DCDC2: variants seen among roughly 807,000 people sequenced by gnomAD.
DCDC2 encodes the protein doublecortin domain-containing protein 2.
DCDC2 carries 40 observed loss-of-function variants against 50.2 expected under a neutral mutation model. The observed-to-expected ratio is 0.80, with a 90% CI of 0.62 to 1.04. The LOEUF (loss-of-function observed/expected upper bound fraction) is 1.04, where lower values mean the gene tolerates loss of function less well. Ranked by LOEUF, DCDC2 falls within the 50% of genes least tolerant of loss-of-function variation. The pLI, the probability that DCDC2 is intolerant of heterozygous loss-of-function variation, is 0.00. For missense variants in DCDC2, 570 were observed against 581.9 expected, an observed-to-expected ratio of 0.98 and a Z score of 0.21; for synonymous variants, 234 against 210.6, an observed-to-expected ratio of 1.11 and a Z score of -0.96.
At position 24,357,809 on chromosome 6, in the gene DCDC2, C is replaced by A; in HGVS notation, c.-59G>T. On this transcript the variant is annotated 5_prime_UTR_variant, in exon 1 of 10. Transcript: ENST00000378454. The stretch of plus-strand genomic sequence containing the variant: ...TCGCGTCGGGAGGCACCTCCGCTGT[C>A]CCAGCGGCCTCACCGCACCCAGGGC... 1 of 1,608,232 alleles carries A rather than the reference C, an allele frequency of 6.2e-7. No homozygotes were observed.
At chr6:24,295,805 C>A (rs956126431) in intron 4 of DCDC2, among the ~76,000 whole-genome samples, 2 of 151,914 alleles carry the variant, frequency 1.3e-5, no homozygotes, top group Admixed American at 6.6e-5. Context: ...CAAAACACTG[C>A]CTAAAGAAAT....
intron 8 of DCDC2, among the ~76,000 whole-genome samples, chr6:24,202,858 C>G (rs923349122): frequency 1.3e-5 from 2 of 152,048 alleles, no homozygotes; most frequent in African/African-American, 4.8e-5. Context: ...AACAGAGAGC[C>G]AAATCATGAG....
chr6:24,248,607 C>A (rs909365237), intron 7 of DCDC2, among the ~76,000 whole-genome samples: 2 of 152,038 alleles, frequency 1.3e-5, no homozygotes, highest in African/African-American at 4.8e-5. Context: ...AAAGGTAAGA[C>A]CTTTGGAATA....
intron 8 of DCDC2, among the ~76,000 whole-genome samples, chr6:24,196,440 A>G (rs1749063652): frequency 6.6e-6 from 1 of 152,146 alleles, no homozygotes; most frequent in African/African-American, 2.4e-5. Flanking sequence ...TTCTTTTTTG[A>G]GACAGAGTCT....
intron 7 of DCDC2, among the ~76,000 whole-genome samples, chr6:24,271,654 T>A (rs1763241312): frequency 6.6e-6 from 1 of 152,130 alleles, no homozygotes; most frequent in South Asian, 2.1e-4. Flanking sequence ...CAGGGTAACA[T>A]GAGTTCTTGG....
rs540987203 is a variant in DCDC2, at chr6:24,191,061, G to A, written c.1024-12429C>T. Among the ~76,000 whole-genome samples the A allele has an allele frequency of 8.5e-5, 13 of 152,224 alleles. No homozygotes were observed. In the South Asian group the frequency reaches 2.7e-3, roughly 32 times the overall value. ...ATGGCTTTCTCCACTGTGGGGTTTTGTTTCTTCAATGGCAAAATAAGAAGC... is the reference window on the plus strand; with the variant it reads ...ATGGCTTTCTCCACTGTGGGGTTTTATTTCTTCAATGGCAAAATAAGAAGC... On this transcript the variant is annotated intron_variant, in intron 8 of 9. Coordinates refer to ENST00000378454, the MANE Select transcript of DCDC2 (RefSeq NM_016356.5).
intron 8 of DCDC2, among the ~76,000 whole-genome samples, chr6:24,181,244 C>T (rs1281167268): frequency 1.3e-5 from 2 of 152,166 alleles, no homozygotes; most frequent in Non-Finnish European, 2.9e-5. Flanking sequence ...GATTTATGAA[C>T]ATAACTCACA....
intron 8 of DCDC2, among the ~76,000 whole-genome samples, chr6:24,203,890 C>T (rs1291759964): frequency 1.3e-5 from 2 of 152,164 alleles, no homozygotes; most frequent in African/African-American, 2.4e-5. Context: ...AGAAAAAACG[C>T]TCATCATCAC....
intron 2 of DCDC2, among the ~76,000 whole-genome samples, chr6:24,323,077 G>C (rs1163008271): frequency 6.6e-6 from 1 of 152,216 alleles, no homozygotes; most frequent in Non-Finnish European, 1.5e-5. Context: ...AGATATGGTA[G>C]CTCACACCTA....
chr6:24,323,489 T>C (rs1388970715), intron 2 of DCDC2, among the ~76,000 whole-genome samples: 46 of 152,096 alleles, frequency 3.0e-4, no homozygotes, highest in African/African-American at 2.4e-5. Context: ...TATGGCTATG[T>C]AGGACATTAA....
chr6:24,333,333 T>A (rs375293634), intron 2 of DCDC2, among the ~76,000 whole-genome samples: 1 of 152,056 alleles, frequency 6.6e-6, no homozygotes, highest in East Asian at 1.9e-4. Flanking sequence ...CAAAAGGAAG[T>A]GTTAGACTGT....
At chr6:24,260,735 A>T (rs867107865) in intron 7 of DCDC2, among the ~76,000 whole-genome samples, 2 of 152,346 alleles carry the variant, frequency 1.3e-5, no homozygotes, top group Middle Eastern at 3.4e-3. Flanking sequence ...TTTAACTAGC[A>T]AACCTTACCA....
intron 7 of DCDC2, among the ~76,000 whole-genome samples, chr6:24,220,919 C>CGAGCGAGCGAGAGAGTGAGCGAGAGAGT (rs1561895651): frequency 2.3e-5 from 1 of 43,604 alleles, no homozygotes; most frequent in African/African-American, 6.1e-5. Context: ...AGTGAGCGAG[C>CGAGCGAGCGAGAGAGTGAGCGAGAGAGT]GAGCGAGAGC....
At chr6:24,379,351 AC>A in the DCDC2 span, among the ~76,000 whole-genome samples, 14 of 124,244 alleles carry the variant, frequency 1.1e-4, no homozygotes, top group African/African-American at 3.5e-4. Flanking sequence ...AAGAAAAAAA[AC>A]AAACAACCCC....
rs1554142065 is a variant in DCDC2 at position 24,172,989 on chromosome 6, A to AAAAAATAATAATAATAAT, written c.*1740_*1741insATTATTATTATTATTTTT. The AAAAAATAATAATAATAAT allele has an allele frequency of 2.3e-4, 34 of 145,952 alleles. No homozygotes were observed. In the East Asian group the frequency reaches 6.4e-3, roughly 27 times the overall value. The allele number at this position is 145,952 out of a possible 1,614,324, so 9.0% of individuals were successfully genotyped here. A position where few individuals can be genotyped will look rare whatever the true frequency, so the allele number is the denominator to read the frequency against. ...GACAAGAGCAAGACTTCATCTCAAA[A>AAAAAATAATAATAATAAT]AATAATAATAATAATAATAATAATA... On this transcript the variant is annotated 3_prime_UTR_variant, in exon 10 of 10. Transcript: ENST00000378454.
intron 5 of DCDC2, among the ~76,000 whole-genome samples, chr6:24,289,972 T>C (rs921833583): frequency 4.8e-4 from 4 of 8,362 alleles, no homozygotes; most frequent in East Asian, 2.0e-3. Context: ...AGAGCTCTTC[T>C]TTTTTTTTTT....
chr6:24,193,279 G>A (rs188559256), intron 8 of DCDC2, among the ~76,000 whole-genome samples: 4 of 152,090 alleles, frequency 2.6e-5, no homozygotes, highest in African/African-American at 9.7e-5. Context: ...GTGTAACCAA[G>A]ATAGAGGAAG....
At chr6:24,298,778 A>C (rs998686254) in intron 4 of DCDC2, among the ~76,000 whole-genome samples, 1 of 152,238 alleles carries the variant, frequency 6.6e-6, no homozygotes, top group African/African-American at 2.4e-5. Flanking sequence ...TAACAGTATG[A>C]CAAACAGGCC....
At chr6:24,319,389 G>A (rs1450018478) in intron 2 of DCDC2, among the ~76,000 whole-genome samples, 1 of 151,872 alleles carries the variant, frequency 6.6e-6, no homozygotes. Flanking sequence ...ATTCTGCAGG[G>A]TGTCTGTTTA....
Sources: gnomAD v4.1 joint callset for allele counts (sites outside exome capture counted in the v4.1 genomes callset) on GRCh38, gnomAD v4.1.1 for gene constraint, MANE v1.5 for transcripts, NCBI Gene and HGNC (gene_info 2026-07-23, HGNC 2026-07-21) for gene names.